Variants in GRM8 observed in about 807,000 individuals in gnomAD.
GRM8 encodes metabotropic glutamate receptor 8.
GRM8 carries 47 observed loss-of-function variants against 87.2 expected under a neutral mutation model. That is an observed-to-expected ratio of 0.54 (90% CI 0.43 to 0.69). GRM8 has a LOEUF of 0.69. GRM8 is among the 30% of genes least tolerant of loss of function. The probability of loss-of-function intolerance (pLI) is 0.00; values close to 1 mark genes in which losing one functional copy is unlikely to be tolerated. For missense variants in GRM8, 1,019 were observed against 1,139.2 expected (o/e 0.89, Z 1.52); for synonymous variants, 396 against 404.5 (o/e 0.98, Z 0.25).
intron 6 of GRM8, among the ~76,000 whole-genome samples, chr7:126,877,795 A>G (rs1563274015): frequency 1.3e-5 from 2 of 152,170 alleles, no homozygotes; most frequent in Non-Finnish European, 2.9e-5. Flanking sequence ...TTCTGTCATT[A>G]TTGGTGCAAA....
chr7:126,454,350 A>G (rs1802985329), intron 9 of GRM8, among the ~76,000 whole-genome samples: 1 of 151,748 alleles, frequency 6.6e-6, no homozygotes, highest in South Asian at 2.1e-4. Context: ...GAAAGTTGGT[A>G]AAATTATGAA....
intron 3 of GRM8, among the ~76,000 whole-genome samples, chr7:126,962,888 G>A (rs1337042563): frequency 6.6e-6 from 1 of 152,104 alleles, no homozygotes; most frequent in African/African-American, 2.4e-5. Flanking sequence ...TACTCAAGAC[G>A]GTTATGTTCT....
intron 7 of GRM8, among the ~76,000 whole-genome samples, chr7:126,682,929 G>C (rs1807769460): frequency 6.6e-6 from 1 of 152,110 alleles, no homozygotes; most frequent in South Asian, 2.1e-4. Context: ...CGCCCCTGTA[G>C]TCCCAGATGC....
chr7:126,903,709 A>G (rs189820166), intron 5 of GRM8, among the ~76,000 whole-genome samples: 1,740 of 141,490 alleles, frequency 0.012, 60 homozygotes, highest in African/African-American at 0.043. Flanking sequence ...ATATATATGT[A>G]TATGTGTATA....
chr7:127,063,337 A>T (rs1000388306), intron 3 of GRM8, among the ~76,000 whole-genome samples: 2 of 152,206 alleles, frequency 1.3e-5, no homozygotes, highest in Admixed American at 6.5e-5. Context: ...GCACTTAGGG[A>T]GGCCAAGGTG....
intron 7 of GRM8, among the ~76,000 whole-genome samples, chr7:126,697,589 C>G (rs1055974323): frequency 6.6e-6 from 1 of 152,100 alleles, no homozygotes; most frequent in African/African-American, 2.4e-5. Flanking sequence ...ATTAACACAT[C>G]TCCCCATTGT....
At chr7:126,921,381 A>C (rs1281089785) in intron 3 of GRM8, among the ~76,000 whole-genome samples, 1 of 152,158 alleles carries the variant, frequency 6.6e-6, no homozygotes, top group African/African-American at 2.4e-5. Flanking sequence ...TTAACTTTCC[A>C]ATTTTGAAAT....
At chr7:126,655,961 A>G (rs924809719) in intron 7 of GRM8, among the ~76,000 whole-genome samples, 1 of 152,208 alleles carries the variant, frequency 6.6e-6, no homozygotes, top group Admixed American at 6.5e-5. Context: ...AGAGAAATAG[A>G]TATTCTACTC....
At chr7:126,800,101 G>C (rs1822484064) in intron 6 of GRM8, among the ~76,000 whole-genome samples, 1 of 151,972 alleles carries the variant, frequency 6.6e-6, no homozygotes, top group African/African-American at 2.4e-5. Flanking sequence ...TCCAACACAA[G>C]CTCTAACTTT....
chr7:126,719,538 A>G (rs1435765624), intron 7 of GRM8, among the ~76,000 whole-genome samples: 2 of 152,226 alleles, frequency 1.3e-5, no homozygotes. Context: ...GTCATACATG[A>G]AAGTATGCTG....
intron 7 of GRM8, among the ~76,000 whole-genome samples, chr7:126,620,255 T>C (rs1799977971): frequency 6.6e-6 from 1 of 152,122 alleles, no homozygotes. Flanking sequence ...GCTACTGCAC[T>C]CCAACTCCAG....
At chr7:127,171,532 C>G (rs1315933545) in intron 2 of GRM8, among the ~76,000 whole-genome samples, 1 of 152,192 alleles carries the variant, frequency 6.6e-6, no homozygotes, top group Non-Finnish European at 1.5e-5. Flanking sequence ...CCTTAAGCAA[C>G]CACGACCCTG....
At chr7:126,996,731 C>T (rs552459402) in intron 3 of GRM8, among the ~76,000 whole-genome samples, 1 of 152,018 alleles carries the variant, frequency 6.6e-6, no homozygotes, top group African/African-American at 2.4e-5. Context: ...GTCAATTCAG[C>T]AAGAGGATAT....
At chr7:126,573,779 T>C (rs896418577) in intron 8 of GRM8, among the ~76,000 whole-genome samples, 2 of 151,952 alleles carry the variant, frequency 1.3e-5, no homozygotes, top group African/African-American at 4.8e-5. Flanking sequence ...AGAGACAGGG[T>C]TTCACCATGT....
chr7:126,471,164 T>G (rs1458861257), intron 9 of GRM8, among the ~76,000 whole-genome samples: 9 of 151,970 alleles, frequency 5.9e-5, no homozygotes, highest in African/African-American at 1.9e-4. Flanking sequence ...GATGGTAGTT[T>G]CTTTTGCTGT....
chr7:126,855,919 G>T (rs1797638765), intron 6 of GRM8, among the ~76,000 whole-genome samples: 1 of 152,152 alleles, frequency 6.6e-6, no homozygotes, highest in Non-Finnish European at 1.5e-5. Context: ...CAACCAGGCT[G>T]CCAGGAAAAC....
intron 3 of GRM8, among the ~76,000 whole-genome samples, chr7:127,106,021 G>A (rs1825773315): frequency 1.3e-5 from 2 of 152,112 alleles, no homozygotes; most frequent in African/African-American, 2.4e-5. Flanking sequence ...AGTCAAATAT[G>A]ACAATAAGAA....
At position 126,836,254 on chromosome 7, in the gene GRM8, C is replaced by T. The variant is rs546451703; in HGVS notation, c.1157-66189G>A. 2.0e-5 allele frequency among the ~76,000 whole-genome samples: 3 copies of T among 152,224 alleles called. No homozygotes were observed. The South Asian group carries it at 6.2e-4, about 32-fold the overall frequency. On this transcript the variant is annotated intron_variant, in intron 6 of 10. Transcript: ENST00000339582. ...GTTATGGCAGCCAACAGATCAAATA[C>T]TCATTTACTCATTGTATATAAGAAA...
intron 3 of GRM8, among the ~76,000 whole-genome samples, chr7:126,976,055 G>A (rs563507729): frequency 6.6e-6 from 1 of 152,244 alleles, no homozygotes; most frequent in South Asian, 2.1e-4. Flanking sequence ...AAATTGTAGT[G>A]ATAATGAAGT....
Sources: gnomAD v4.1 joint callset for allele counts (sites outside exome capture counted in the v4.1 genomes callset) on GRCh38, gnomAD v4.1.1 for gene constraint, MANE v1.5 for transcripts, NCBI Gene and HGNC (gene_info 2026-07-23, HGNC 2026-07-21) for gene names.